Variants in WRN observed in about 807,000 individuals in gnomAD.
WRN encodes bifunctional 3'-5' exonuclease/ATP-dependent helicase WRN.
WRN carries 149 observed loss-of-function variants against 180.7 expected under a neutral mutation model. The ratio of observed to expected loss-of-function variants is 0.82; its 90% confidence interval spans 0.72 to 0.94. WRN has a LOEUF of 0.94. Among genes scored for constraint, WRN ranks in the 40% least tolerant of loss-of-function variants. The pLI is 0.00. For synonymous variants in WRN, 548 were observed against 568.9 expected (o/e 0.96, Z 0.52); for missense variants, 1,661 against 1,700.1 (o/e 0.98, Z 0.40).
At chr8:31,101,712 G>A (rs1387668037) in intron 18 of WRN, among the ~76,000 whole-genome samples, 4 of 150,538 alleles carry the variant, frequency 2.7e-5, no homozygotes, top group Admixed American at 2.0e-4. Context: ...GCTTGAACTC[G>A]GGAGGTGGAG....
chr8:31,050,972 A>G (rs187967800), intron 1 of WRN, among the ~76,000 whole-genome samples: 16 of 152,328 alleles, frequency 1.1e-4, no homozygotes, highest in Admixed American at 3.3e-4. Context: ...ATTTTTCCAC[A>G]TTAAACAGTA....
intron 1 of WRN, among the ~76,000 whole-genome samples, chr8:31,052,461 C>T (rs1422895173): frequency 2.0e-5 from 3 of 152,062 alleles, no homozygotes; most frequent in Admixed American, 2.0e-4. Context: ...GATTTCAGCT[C>T]ACTGCAACCT....
chr8:31,056,782 TTAA>T (rs1812292149), intron 1 of WRN, among the ~76,000 whole-genome samples: 1 of 152,200 alleles, frequency 6.6e-6, no homozygotes, highest in Admixed American at 6.5e-5. Flanking sequence ...CAAGCATAAA[TTAA>T]TAAATCCATA....
chr8:31,168,104 C>A (rs1803969059), intron 34 of WRN, among the ~76,000 whole-genome samples: 2 of 152,026 alleles, frequency 1.3e-5, no homozygotes, highest in Admixed American at 6.6e-5. Context: ...AATAAGGGAA[C>A]TGATCTTTTT....
intron 20 of WRN, 171 bp from the exon 21 acceptor site, chr8:31,120,072 A>C: frequency 1.4e-6 from 1 of 736,324 alleles, no homozygotes; most frequent in Non-Finnish European, 2.3e-6. Flanking sequence ...ACCAGTCCTT[A>C]ATCTGTAAAT....
At chr8:31,165,310 G>A (rs1803811264) in intron 33 of WRN, among the ~76,000 whole-genome samples, 1 of 151,996 alleles carries the variant, frequency 6.6e-6, no homozygotes, top group African/African-American at 2.4e-5. Flanking sequence ...AAATACCCAT[G>A]GAAGAAAATG....
intron 33 of WRN, among the ~76,000 whole-genome samples, chr8:31,158,103 A>AT (rs912090167): frequency 4.6e-5 from 7 of 151,920 alleles, no homozygotes; most frequent in Middle Eastern, 3.2e-3. Context: ...GTGCACTTTC[A>AT]TTTTTTTTCT....
rs146480453 is a variant in WRN, at chr8:31,147,375, T to C, written c.3471T>C (p.Tyr1157=). Residue 1157 remains tyrosine, a synonymous_variant, in exon 30 of 35, where the codon TAT becomes TAC. Transcript: ENST00000298139. ...AQEQETQIVL[Y]GKLVEARQKH... ...TGTTTTTTGTTCAGATTGTGTTATA[T>C]GGCAAATTGGTAGAAGCTAGGCAGA... The C allele has an allele frequency of 5.6e-6, 9 of 1,614,050 alleles. No homozygotes were observed. The highest frequency in any genetic ancestry group is 1.7e-4 in the Middle Eastern group (1 of 6,060).
chr8:31,141,684 A>G lies in WRN; in HGVS notation c.3142A>G (p.Arg1048Gly). The part of the protein sequence containing the change: ...MKICALTKKG[R>G]NWLHKANTES... ...AGATCCTTTTTGCTTTTAATAGGGT[A>G]GAAATTGGCTTCATAAAGCTAATAC... The change falls in exon 26 of 35, where the codon AGA becomes GGA. Residue 1048 changes from arginine (R) to glycine (G), a missense_variant. Arg to Gly is a moderately radical substitution (Grantham distance 125). Around this residue, in one of 3 missense-constraint regions of WRN, gnomAD observed 1,141 missense variants for 1,149.4 expected, o/e 0.99. Transcript: ENST00000298139. The G allele has an allele frequency of 1.2e-6, 2 of 1,614,218 alleles. No individual in the cohort carries two copies. Among genetic ancestry groups the G allele is most frequent in the Non-Finnish European group, 1.7e-6 (2 of 1,180,024 alleles).
chr8:31,052,064 T>G (rs1376699528), intron 1 of WRN, among the ~76,000 whole-genome samples: 3 of 152,232 alleles, frequency 2.0e-5, no homozygotes, highest in Non-Finnish European at 4.4e-5. Flanking sequence ...CTTGAGTAGT[T>G]TTGACAAAGA....
chr8:31,083,565 T>C, intron 9 of WRN, 134 bp from the exon 10 acceptor site: 2 of 484,310 alleles, frequency 4.1e-6, no homozygotes, highest in Non-Finnish European at 7.4e-6. Flanking sequence ...TATAAATATG[T>C]AAATATATAT....
At position 31,064,320 on chromosome 8, in the gene WRN, T is replaced by C. The variant is rs760452488; in HGVS notation, c.241T>C (p.Phe81Leu). The C allele has an allele frequency of 1.9e-6, 3 of 1,614,120 alleles. No individual in the cohort carries two copies. Among genetic ancestry groups the C allele is most frequent in the Non-Finnish European group, 2.5e-6 (3 of 1,180,002 alleles). The stretch of plus-strand genomic sequence containing the variant: ...TCTATCAGATGGGGATGTGGTGGGA[T>C]TTGACATGGAGTGGCCACCATTATA... ...MSLSDGDVVG[F>L]DMEWPPLYNR... Residue 81 changes from phenylalanine (F) to leucine (L), a missense_variant, in exon 4 of 35, where the codon TTT becomes CTT. By Grantham distance (22) the Phe-to-Leu change is conservative (BLOSUM62 0). Coordinates refer to ENST00000298139, the MANE Select transcript of WRN (RefSeq NM_000553.6).
In WRN at chr8:31,141,480, TG is replaced by T. The variant is rs1248051594; in HGVS notation, c.3020del (p.Gly1007AlafsTer16). 1.2e-6 allele frequency: 2 copies of T among 1,614,056 alleles called. No homozygotes were observed. Among genetic ancestry groups the T allele is most frequent in the East Asian group, 2.2e-5 (1 of 44,892 alleles). On this transcript the variant is annotated frameshift_variant, in exon 25 of 35. Transcript: ENST00000298139. LOFTEE classifies it high-confidence loss of function. ...ATCGCAGGCACAGTTTATTTGGCAC[TG>T]GCAAGGATCAAACAGAGAGTTGGTG... ...QYRRHSLFGT[G>X]KDQTESWWKA...
rs71208105 is a variant in WRN, at chr8:31,149,455, GTTTTTTTTTTTTTTTT to G, written c.3573-865_3573-850del. ...TCTAAGACCATACTTTAATAGAGGT[GTTTTTTTTTTTTTTTT>G]TTTTTTTTTTTTTTTTTTTTGGTGA... On this transcript the variant is annotated intron_variant, in intron 30 of 34. Coordinates refer to ENST00000298139, the MANE Select transcript of WRN (RefSeq NM_000553.6). Among the ~76,000 whole-genome samples the G allele has an allele frequency of 1.2e-4, 6 of 51,988 alleles. No homozygotes were observed. In the East Asian group the frequency reaches 4.1e-3, roughly 35 times the overall value. 34.1% of individuals were successfully genotyped at this position (51,988 alleles called of 152,430 possible). A position where few individuals can be genotyped will look rare whatever the true frequency, so the allele number is the denominator to read the frequency against.
intron 24 of WRN, among the ~76,000 whole-genome samples, chr8:31,140,826 GCTCACTGCAAGCTCTGC>G (rs1802592302): frequency 6.6e-6 from 1 of 151,990 alleles, no homozygotes; most frequent in African/African-American, 2.4e-5. Context: ...CGTGATCTCG[GCTCACTGCAAGCTCTGC>G]CTCCCAGATT....
rs1812392808 is a variant in WRN, at chr8:31,059,244, C to G, written c.188C>G (p.Ser63Cys). Residue 63 changes from serine to cysteine, a missense_variant, in exon 3 of 35, where the codon TCT becomes TGT. Physicochemically the swap from Ser to Cys is moderately radical, Grantham distance 112. This residue lies in a region of WRN where 500 missense variants were observed against 504.1 expected (regional missense o/e 0.99). Coordinates refer to ENST00000298139, the MANE Select transcript of WRN (RefSeq NM_000553.6). ...TATAGTTACGATGCTAGTGATTGCT[C>G]TTTCCTGTCAGAAGATATTAGGTAA... The part of the protein sequence containing the change: ...IVYSYDASDC[S>C]FLSEDISMSL... 1.2e-6 allele frequency: 2 copies of G among 1,613,566 alleles called. No homozygotes were observed. Among genetic ancestry groups the G allele is most frequent in the South Asian group, 1.1e-5 (1 of 91,060 alleles).
At position 31,111,692 on chromosome 8, in the gene WRN, T is replaced by C. The variant is rs1334120731; in HGVS notation, c.2166T>C (p.Asn722=). ...EDIVRCLNLR[N]PQITCTGFDR... ...TTGTACGTTGCTTAAATCTGAGAAATCCTCAGATCACCTGTACTGGTTTTG... is the reference window on the plus strand; with the variant it reads ...TTGTACGTTGCTTAAATCTGAGAAACCCTCAGATCACCTGTACTGGTTTTG... The change falls in exon 19 of 35, where the codon AAT becomes AAC. Residue 722 remains asparagine, a synonymous_variant. Coordinates refer to ENST00000298139, the MANE Select transcript of WRN (RefSeq NM_000553.6). 6.2e-7 allele frequency: 1 copy of C among 1,614,080 alleles called. No homozygotes were observed. The highest frequency in any genetic ancestry group is 1.7e-5 in the Admixed American group (1 of 60,018).
intron 11 of WRN, among the ~76,000 whole-genome samples, chr8:31,087,067 A>C (rs1813562904): frequency 1.3e-5 from 2 of 152,164 alleles, no homozygotes; most frequent in East Asian, 1.9e-4. Flanking sequence ...TTAAAAAAAA[A>C]CCTTCAAAAT....
At chr8:31,060,544 G>GACAA (rs778533447) in intron 3 of WRN, among the ~76,000 whole-genome samples, 1 of 152,128 alleles carries the variant, frequency 6.6e-6, no homozygotes, top group Admixed American at 6.6e-5. Flanking sequence ...GTCTCAAACA[G>GACAA]ACAAACAAAC....
Sources: gnomAD v4.1 joint callset for allele counts (sites outside exome capture counted in the v4.1 genomes callset) on GRCh38, gnomAD v4.1.1 for gene constraint, gnomAD v4.1.1 regional missense constraint, MANE v1.5 for transcripts, NCBI Gene and HGNC (gene_info 2026-07-23, HGNC 2026-07-21) for gene names.